The following ZNF454 variants were observed in gnomAD, a reference collection of about 807,000 sequenced individuals.
ZNF454 encodes the protein zinc finger protein 454.
A neutral mutation model predicts 48.2 loss-of-function variants in ZNF454; 30 were observed. That is an observed-to-expected ratio of 0.62 (90% confidence interval 0.47 to 0.84). The LOEUF (loss-of-function observed/expected upper bound fraction) is 0.84. ZNF454 is among the 40% of genes least tolerant of loss of function. The pLI, the probability that ZNF454 is intolerant of heterozygous loss-of-function variation, is 0.00. For synonymous variants in ZNF454, 204 were observed against 211.4 expected, an observed-to-expected ratio of 0.97 and a Z score of 0.30; for missense variants, 510 against 623.1, an observed-to-expected ratio of 0.82 and a Z score of 1.93.
chr5:178,946,606 T>A lies in ZNF454; in HGVS notation c.160+121T>A. On this transcript the variant is annotated intron_variant, in intron 3 of 4. Transcript: ENST00000519564. The surrounding 1 kb of genome is among the most constrained non-coding windows in gnomAD (Gnocchi z 4.5). ...AGGACGCTGTCTTCAAGGGTGCCAT[T>A]AATTTTACCTGTCCTTGGTGTCCTG... The A allele has an allele frequency of 1.5e-6, 2 of 1,349,388 alleles. No homozygotes were observed. The highest frequency in any genetic ancestry group is 1.5e-5 in the South Asian group (1 of 65,762). 83.6% of individuals were successfully genotyped at this position (1,349,388 alleles called of 1,614,324 possible). A position where few individuals can be genotyped will look rare whatever the true frequency, so the allele number is the denominator to read the frequency against.
chr5:178,945,192 T>G (rs1759272188), intron 2 of ZNF454, among the ~76,000 whole-genome samples: 1 of 150,336 alleles, frequency 6.7e-6, no homozygotes, highest in Admixed American at 6.6e-5. Context: ...GTATGTGAGT[T>G]TGTGTGTATG....
In ZNF454 at chr5:178,964,724, A is replaced by C. The variant is rs1760088916; in HGVS notation, c.320A>C (p.Gln107Pro). The C allele has an allele frequency of 1.9e-6, 3 of 1,614,236 alleles. No individual in the cohort carries two copies. Among genetic ancestry groups the C allele is most frequent in the Non-Finnish European group, 2.5e-6 (3 of 1,180,038 alleles). ...GAGATTCCTGAAGAAGAATTGGATCAATGGACAATAAAGGAAAGATTCAGT... is the reference window on the plus strand; with the variant it reads ...GAGATTCCTGAAGAAGAATTGGATCCATGGACAATAAAGGAAAGATTCAGT... Reference protein sequence around the residue: ...KAEIPEEELDQWTIKERFSSS... With the variant: ...KAEIPEEELDPWTIKERFSSS... Residue 107 changes from glutamine (Q) to proline (P), a missense_variant, in exon 5 of 5, where the codon CAA (glutamine) becomes CCA (proline). This residue lies in a region of ZNF454 where 354 missense variants were observed against 408.9 expected (regional missense o/e 0.87). Transcript: ENST00000519564.
At chr5:178,948,870 C>T (rs1357694875) in intron 4 of ZNF454, among the ~76,000 whole-genome samples, 3 of 147,472 alleles carry the variant, frequency 2.0e-5, no homozygotes, top group Non-Finnish European at 4.5e-5. Flanking sequence ...AATAAATTTA[C>T]ATAATGTATA....
In ZNF454 at chr5:178,965,328, C is replaced by A; in HGVS notation, c.924C>A (p.Ala308=). 6.2e-7 allele frequency: 1 copy of A among 1,614,154 alleles called. No homozygotes were observed. Among genetic ancestry groups the A allele is most frequent in the Non-Finnish European group, 8.5e-7 (1 of 1,180,026 alleles). The stretch of plus-strand genomic sequence containing the variant: ...TTAAATGTAACATTTGTGAAAAAGC[C>A]TTTGTGTGCAGGGCACACCTTACCA... ...KPFKCNICEK[A]FVCRAHLTKH... Residue 308 remains alanine (A), a synonymous_variant, in exon 5 of 5, where the codon GCC becomes GCA. Transcript: ENST00000519564. This position sits in a 1 kb window ranked among gnomAD's most constrained non-coding sequence, Gnocchi z 5.2.
At chr5:178,975,820 C>T in the ZNF454 span, 1 of 326,276 alleles carries the variant, frequency 3.1e-6, no homozygotes, top group African/African-American at 2.2e-5. Flanking sequence ...CCTCTACAAT[C>T]AGCTGACTTT....
Position 178,966,166 on chromosome 5 carries a change from C to A in ZNF454, c.*193C>A. The A allele has an allele frequency of 1.9e-6, 1 of 516,122 alleles. No individual in the cohort carries two copies. The highest frequency in any genetic ancestry group is 3.3e-6 in the Non-Finnish European group (1 of 302,946). 32.0% of individuals were successfully genotyped at this position (516,122 alleles called of 1,614,324 possible). On this transcript the variant is annotated 3_prime_UTR_variant, in exon 5 of 5. Coordinates refer to ENST00000519564, the MANE Select transcript of ZNF454 (RefSeq NM_001178089.3). ...AAACACTCGGCTGGGCACAGTGGCT[C>A]ACGTCTGTAATCTTTGGGAGCACTT...
chr5:178,964,848 A>T lies in ZNF454; in HGVS notation c.444A>T (p.Pro148=), dbSNP rs756394064. The T allele has an allele frequency of 2.5e-6, 4 of 1,614,226 alleles. No homozygotes were observed. The highest frequency in any genetic ancestry group is 3.4e-6 in the Non-Finnish European group (4 of 1,180,046). The part of the protein sequence containing the change: ...QRVVLTHPNT[P]SQECDESGST... Reference sequence around the variant, plus strand: ...TGGTACTCACTCACCCCAACACCCCATCACAGGAATGTGATGAATCCGGGA... The same window carrying T: ...TGGTACTCACTCACCCCAACACCCCTTCACAGGAATGTGATGAATCCGGGA... The change falls in exon 5 of 5, where the codon CCA becomes CCT. Residue 148 remains proline (P), a synonymous_variant. Coordinates refer to ENST00000519564, the MANE Select transcript of ZNF454 (RefSeq NM_001178089.3).
the ZNF454 span, chr5:178,982,922 C>T: frequency 1.2e-6 from 2 of 1,613,720 alleles, no homozygotes; most frequent in Non-Finnish European, 1.7e-6. Context: ...TTTCAGCTGA[C>T]TGGGCAGTGC....
the ZNF454 span, chr5:178,989,216 C>CCA: frequency 4.2e-6 from 5 of 1,183,462 alleles, no homozygotes; most frequent in Non-Finnish European, 6.1e-6. Context: ...TCCCCACCCT[C>CCA]ACCACCCTCC....
In ZNF454 at chr5:178,952,070, T is replaced by C. The variant is rs145841625; in HGVS notation, c.250+5084T>C. 9.0e-3 allele frequency among the ~76,000 whole-genome samples: 1,354 copies of C among 151,230 alleles called. 69 individuals carry two copies. In the East Asian group the frequency reaches 0.12, roughly 14 times the overall value. On this transcript the variant is annotated intron_variant, in intron 4 of 4. Transcript: ENST00000519564. ...TTTTTTTTTTTGAGACGGAGTCTCG[T>C]TCTGTCGCCCAGGCGGGAGTGCTGT...
At chr5:178,989,026 C>T in the ZNF454 span, 33 of 1,613,880 alleles carry the variant, frequency 2.0e-5, 1 homozygote, top group South Asian at 1.1e-4. Context: ...CAGGGCAGAG[C>T]GCCTGGTGCA....
At chr5:178,985,611 G>C in the ZNF454 span, 13 of 356,374 alleles carry the variant, frequency 3.6e-5, no homozygotes, top group Non-Finnish European at 5.5e-5. Context: ...GCTGAGGCAG[G>C]AGAATGGCGT....
intron 4 of ZNF454, among the ~76,000 whole-genome samples, chr5:178,951,522 G>A (rs77348835): frequency 0.072 from 10,966 of 152,204 alleles, 518 homozygotes; most frequent in Non-Finnish European, 0.1. Context: ...TTGCCGTTGC[G>A]TGCTTTAAAA....
At chr5:178,989,259 T>C in the ZNF454 span, 1 of 1,565,684 alleles carries the variant, frequency 6.4e-7, no homozygotes. Flanking sequence ...CCTGGGCAGC[T>C]CTCACCTGTG....
At chr5:178,980,605 T>C in the ZNF454 span, 1 of 154,132 alleles carries the variant, frequency 6.5e-6, no homozygotes, top group Non-Finnish European at 1.5e-5. This position sits in a 1 kb window ranked among gnomAD's most constrained non-coding sequence, Gnocchi z 4.3. Context: ...TATCTGAATT[T>C]CTTCAGGTTT....
At chr5:178,967,742 C>CTTTTTTTTTTTTTTT (rs10694687), downstream of ZNF454, among the ~76,000 whole-genome samples, 1 of 129,512 alleles carries the variant, frequency 7.7e-6, no homozygotes. Context: ...TTTTCTTTTT[C>CTTTTTTTTTTTTTTT]TTTTTTTTTT....
chr5:178,961,310 A>G (rs886442063), intron 4 of ZNF454, among the ~76,000 whole-genome samples: 16 of 151,298 alleles, frequency 1.1e-4, no homozygotes, highest in African/African-American at 3.2e-4. Context: ...TTTATTTTAT[A>G]TTTCACTTAC....
the ZNF454 span, chr5:178,989,205 CTCCCCACCCT>C: frequency 3.3e-6 from 1 of 306,502 alleles, no homozygotes; most frequent in Non-Finnish European, 4.9e-6. Context: ...CGCCTTCCCC[CTCCCCACCCT>C]CACCACCCTC....
the ZNF454 span, chr5:178,989,215 T>TGCC: frequency 1.1e-6 from 1 of 886,706 alleles, no homozygotes; most frequent in Non-Finnish European, 1.6e-6. Context: ...CTCCCCACCC[T>TGCC]CACCACCCTC....
Sources: gnomAD v4.1 joint callset for allele counts (sites outside exome capture counted in the v4.1 genomes callset) on GRCh38, gnomAD v4.1.1 for gene constraint, gnomAD v4.1.1 regional missense constraint, Gnocchi (gnomAD v3.1) non-coding constraint, MANE v1.5 for transcripts, NCBI Gene and HGNC (gene_info 2026-07-23, HGNC 2026-07-21) for gene names.